Variants in CTIF observed in about 807,000 individuals in gnomAD.
CTIF encodes the protein cap binding complex dependent translation initiation factor, also known as CBP80/20-dependent translation initiation factor.
Under a neutral mutation model 66.0 loss-of-function variants are expected in CTIF, and 21 were observed. The observed-to-expected ratio is 0.32, with a 90% confidence interval of 0.23 to 0.46. The LOEUF is 0.46. Among genes scored for constraint, CTIF ranks in the 20% least tolerant of loss-of-function variants. The pLI, the probability that CTIF is intolerant of heterozygous loss-of-function variation, is 1.00. For missense variants in CTIF, 739 were observed against 812.7 expected (o/e 0.91, Z 1.10); for synonymous variants, 345 against 326.4 (o/e 1.06, Z -0.62).
intron 9 of CTIF, among the ~76,000 whole-genome samples, chr18:48,798,596 C>T (rs888593791): frequency 4.6e-5 from 7 of 152,206 alleles, no homozygotes; most frequent in Admixed American, 1.3e-4. Flanking sequence ...GTGCAGCCTG[C>T]AGCTTTCTAA....
chr18:48,592,412 G>T (rs1330157089), intron 1 of CTIF, among the ~76,000 whole-genome samples: 2 of 151,334 alleles, frequency 1.3e-5, no homozygotes, highest in Non-Finnish European at 2.9e-5. Context: ...CAAGAGAATC[G>T]CTTGAACCCA....
At position 48,812,997 on chromosome 18, in the gene CTIF, G is replaced by A. The variant is rs573873090; in HGVS notation, c.1372-4224G>A. 4.2e-5 allele frequency among the ~76,000 whole-genome samples: 6 copies of A among 143,878 alleles called. No individual in the cohort carries two copies. In the South Asian group the frequency reaches 8.8e-4, roughly 21 times the overall value. 94.4% of individuals were successfully genotyped at this position (143,878 alleles called of 152,430 possible). On this transcript the variant is annotated intron_variant, in intron 9 of 11. Transcript: ENST00000256413. ...ATGTCCACTCTCTATCTTCTCTATC[G>A]TTTTTCTTTTTGTTTCTAGTCTATT...
chr18:48,601,684 C>A (rs1448136614), intron 1 of CTIF, among the ~76,000 whole-genome samples: 3 of 152,206 alleles, frequency 2.0e-5, no homozygotes, highest in African/African-American at 7.2e-5. Flanking sequence ...CCCCCATCAC[C>A]CACCCTCACT....
intron 9 of CTIF, among the ~76,000 whole-genome samples, chr18:48,781,434 G>A (rs1599033223): frequency 6.6e-6 from 1 of 152,246 alleles, no homozygotes; most frequent in South Asian, 2.1e-4. Flanking sequence ...GTGACCAGGG[G>A]AGGCAGCCAG....
At chr18:48,628,592 A>C (rs556849054) in intron 2 of CTIF, among the ~76,000 whole-genome samples, 1 of 152,114 alleles carries the variant, frequency 6.6e-6, no homozygotes, top group African/African-American at 2.4e-5. Flanking sequence ...CGTACCATCC[A>C]CTTATCCTCT....
chr18:48,857,703 G>A, intron 11 of CTIF, 62 bp downstream of exon 11: 1 of 1,468,786 alleles, frequency 6.8e-7, no homozygotes, highest in African/African-American at 1.4e-5. Context: ...TGCCTTAACA[G>A]TTCTAGGGGC....
At chr18:48,777,143 G>T (rs867811129) in intron 9 of CTIF, among the ~76,000 whole-genome samples, 2 of 152,210 alleles carry the variant, frequency 1.3e-5, no homozygotes, top group Non-Finnish European at 2.9e-5. Flanking sequence ...CCCACCCGGC[G>T]GGTCTGGCCG....
At chr18:48,595,414 T>C (rs2089971259) in intron 1 of CTIF, among the ~76,000 whole-genome samples, 1 of 152,104 alleles carries the variant, frequency 6.6e-6, no homozygotes, top group Non-Finnish European at 1.5e-5. Context: ...ACTACGTACA[T>C]TTATTTTTTA....
At position 48,860,038 on chromosome 18, in the gene CTIF, AGCAGGCGACGTGTAG is replaced by A; in HGVS notation, c.*480_*494del. ...CTGTCAGCCGCAGTCGCCAACTGGCAGCAGGCGACGTGTAGCAGATGTCCGGGAGGACAAAGGCAG... is the reference window on the plus strand; with the variant it reads ...CTGTCAGCCGCAGTCGCCAACTGGCACAGATGTCCGGGAGGACAAAGGCAG... On this transcript the variant is annotated 3_prime_UTR_variant, in exon 12 of 12. Transcript: ENST00000256413. The A allele has an allele frequency of 2.3e-6, 1 of 435,410 alleles. No individual in the cohort carries two copies. Among genetic ancestry groups the A allele is most frequent in the Non-Finnish European group, 4.7e-6 (1 of 213,436 alleles). The allele number at this position is 435,410 out of a possible 1,614,324, so 27.0% of individuals were successfully genotyped here.
In CTIF at chr18:48,593,412, GCT is replaced by G. The variant is rs570892387; in HGVS notation, c.-28-26123_-28-26122del. 4.9e-5 allele frequency among the ~76,000 whole-genome samples: 7 copies of G among 144,136 alleles called. No homozygotes were observed. The South Asian group carries it at 1.5e-3, about 32-fold the overall frequency. 94.6% of individuals were successfully genotyped at this position (144,136 alleles called of 152,430 possible). A position where few individuals can be genotyped will look rare whatever the true frequency, so the allele number is the denominator to read the frequency against. On this transcript the variant is annotated intron_variant, in intron 1 of 11. Transcript: ENST00000256413. Reference sequence around the variant, plus strand: ...TTTTTTTTTTTTGAGACGGACTCTCGCTCTGTCGCCCAGGCCAGAGTGCAGTG... The same window carrying G: ...TTTTTTTTTTTTGAGACGGACTCTCGCTGTCGCCCAGGCCAGAGTGCAGTG...
intron 7 of CTIF, among the ~76,000 whole-genome samples, chr18:48,730,678 C>A (rs1401629473): frequency 9.8e-5 from 13 of 132,454 alleles, no homozygotes; most frequent in African/African-American, 3.0e-4. Flanking sequence ...GGGGCTTCTG[C>A]GGTGTGAGGA....
chr18:48,642,386 G>C (rs2090950954), intron 3 of CTIF, among the ~76,000 whole-genome samples: 1 of 152,208 alleles, frequency 6.6e-6, no homozygotes, highest in Non-Finnish European at 1.5e-5. Flanking sequence ...GAATGGGTAG[G>C]ATGTTTGACT....
chr18:48,803,935 A>C (rs2068094198), intron 9 of CTIF, among the ~76,000 whole-genome samples: 1 of 152,188 alleles, frequency 6.6e-6, no homozygotes, highest in African/African-American at 2.4e-5. Flanking sequence ...AGGGGAGAGA[A>C]GGGAGGACCA....
At chr18:48,587,568 G>T (rs1438495203) in intron 1 of CTIF, among the ~76,000 whole-genome samples, 5 of 152,156 alleles carry the variant, frequency 3.3e-5, no homozygotes, top group Non-Finnish European at 1.5e-5. Flanking sequence ...CAGAGGCCTG[G>T]GTTCTAGTCC....
intron 1 of CTIF, among the ~76,000 whole-genome samples, chr18:48,614,288 C>T (rs2144333700): frequency 6.6e-6 from 1 of 152,226 alleles, no homozygotes; most frequent in Non-Finnish European, 1.5e-5. Context: ...CTCCACCAGC[C>T]AGAGAAAGCT....
intron 6 of CTIF, among the ~76,000 whole-genome samples, chr18:48,682,136 C>G (rs1010070740): frequency 4.6e-5 from 7 of 152,168 alleles, no homozygotes; most frequent in Non-Finnish European, 8.8e-5. Context: ...CTCTGTGAAG[C>G]CCTCCCTGAT....
intron 7 of CTIF, among the ~76,000 whole-genome samples, chr18:48,755,207 C>T (rs1908233687): frequency 6.6e-6 from 1 of 152,126 alleles, no homozygotes; most frequent in South Asian, 2.1e-4. Context: ...CCTCTCTGGG[C>T]TTAAAAATAA....
At chr18:48,820,432 G>A (rs1052595544) in intron 10 of CTIF, among the ~76,000 whole-genome samples, 14 of 152,048 alleles carry the variant, frequency 9.2e-5, no homozygotes, top group African/African-American at 3.4e-4. Flanking sequence ...TTCCCCCTGG[G>A]GCCATGTAGA....
intron 1 of CTIF, among the ~76,000 whole-genome samples, chr18:48,556,751 G>C (rs1205474653): frequency 2.0e-5 from 3 of 152,176 alleles, no homozygotes; most frequent in African/African-American, 7.2e-5. Context: ...TTTTGGTAGA[G>C]ATGGGGTTTC....
Sources: allele counts gnomAD v4.1 joint callset (sites outside exome capture counted in the v4.1 genomes callset), GRCh38; gene constraint gnomAD v4.1.1; transcripts MANE v1.5; gene names NCBI Gene and HGNC (gene_info 2026-07-23, HGNC 2026-07-21).